The following FMR1 variants were observed in gnomAD, a reference collection of about 807,000 sequenced individuals.
The protein encoded by FMR1 is FMRP translational regulator 1.
Under a neutral mutation model 50.6 loss-of-function variants are expected in FMR1, and 13 were observed. That is an observed-to-expected ratio of 0.26 (90% confidence interval 0.17 to 0.41). The LOEUF (loss-of-function observed/expected upper bound fraction) is 0.41, where lower values mean the gene tolerates loss of function less well. Ranked by LOEUF, FMR1 falls within the 10% of genes least tolerant of loss-of-function variation. FMR1 has a pLI of 1.00. For missense variants in FMR1, 316 were observed against 491.3 expected (o/e 0.64, Z 3.37); for synonymous variants, 138 against 164.1 (o/e 0.84, Z 1.22).
intron 1 of FMR1, among the ~76,000 whole-genome samples, chrX:147,918,853 A>G (rs2043019776): frequency 1.8e-5 from 2 of 110,729 alleles, no homozygotes; most frequent in Admixed American, 1.9e-4. Flanking sequence ...GACATGTTGC[A>G]AGAGTGAATT....
In FMR1 at chrX:147,912,107, G is replaced by A; in HGVS notation, c.-73G>A. ...GGCGGCGGCGGCGGCGGCGGCGGCG[G>A]CGGCTGGGCCTCGAGCGCCCGCAGC... On this transcript the variant is annotated 5_prime_UTR_variant, in exon 1 of 17. Coordinates refer to ENST00000370475, the MANE Select transcript of FMR1 (RefSeq NM_002024.6). 1 of 739,570 alleles carries A rather than the reference G, an allele frequency of 1.4e-6. No homozygotes were observed. The highest frequency in any genetic ancestry group is 1.7e-6 in the Non-Finnish European group (1 of 595,385). 60.9% of individuals were successfully genotyped at this position (739,570 alleles called of 1,213,427 possible).
chrX:147,940,584 A>G lies in FMR1; in HGVS notation c.1197A>G (p.Val399=). The change falls in exon 13 of 17, where the codon GTA becomes GTG. Residue 399 remains valine, a synonymous_variant. Coordinates refer to ENST00000370475, the MANE Select transcript of FMR1 (RefSeq NM_002024.6). ...TGCAATTTCTTTTTCAGGGTATGGT[A>G]CCATTTGTTTTTGTGGGAACAAAGG... ...KPELKAWQGM[V]PFVFVGTKDS... The G allele has an allele frequency of 8.4e-7, 1 of 1,185,930 alleles. No homozygotes were observed. Among genetic ancestry groups the G allele is most frequent in the South Asian group, 1.8e-5 (1 of 56,416 alleles).
At chrX:147,933,788 C>T (rs2043690652) in intron 9 of FMR1, 2 of 264,709 alleles carry the variant, frequency 7.6e-6, no homozygotes, top group African/African-American at 2.9e-5. Context: ...ACTTCTCATA[C>T]ATTCTGTTTA....
Position 147,916,863 on chromosome X carries a change from G to C in FMR1, c.51+4633G>C, listed in dbSNP as rs782377522. On this transcript the variant is annotated intron_variant, in intron 1 of 16. Transcript: ENST00000370475. ...AGCCAGTCTCATGCTTCAGCCTTCC[G>C]GGTAGCTGAGATTACAGGCATGTGC... Among the ~76,000 whole-genome samples, 15 of 111,370 alleles carry C rather than the reference G, an allele frequency of 1.3e-4. No homozygotes were observed. In the East Asian group the frequency reaches 4.3e-3, roughly 32 times the overall value.
intron 12 of FMR1, among the ~76,000 whole-genome samples, chrX:147,938,646 T>C (rs1049732625): frequency 2.7e-5 from 3 of 111,836 alleles, no homozygotes; most frequent in Non-Finnish European, 5.6e-5. Context: ...CACTTAAACA[T>C]AGATGTTTAT....
chrX:147,914,841 G>A (rs945376125), intron 1 of FMR1, among the ~76,000 whole-genome samples: 2 of 111,732 alleles, frequency 1.8e-5, no homozygotes, highest in African/African-American at 3.3e-5. Flanking sequence ...CTTTATTCTA[G>A]GTGCATCTGC....
chrX:147,918,325 G>A (rs782307232), intron 1 of FMR1, among the ~76,000 whole-genome samples: 1 of 111,771 alleles, frequency 8.9e-6, no homozygotes, highest in South Asian at 3.7e-4. Flanking sequence ...CGTAACCTAT[G>A]AGTTTCTTTT....
At chrX:147,936,753 A>G (rs947257168) in intron 10 of FMR1, 140 bp downstream of exon 10, 2 of 477,463 alleles carry the variant, frequency 4.2e-6, no homozygotes, top group Non-Finnish European at 7.5e-6. Context: ...AATTAATGTT[A>G]TAATTGTAGA....
intron 9 of FMR1, among the ~76,000 whole-genome samples, chrX:147,935,192 C>T (rs1056574847): frequency 1.2e-4 from 13 of 111,779 alleles, no homozygotes; most frequent in Non-Finnish European, 1.5e-4. Flanking sequence ...TTCCCCTTTT[C>T]GTTATAGAAG....
At chrX:147,928,158 C>A in intron 3 of FMR1, 164 bp from the exon 4 acceptor site, 1 of 451,620 alleles carries the variant, frequency 2.2e-6, no homozygotes, top group East Asian at 3.6e-5. Flanking sequence ...TCTCTGCCTA[C>A]CTCGGGGTAC....
chrX:147,950,722 A>C lies in FMR1; in HGVS notation c.*1878A>C, dbSNP rs1410043397. Reference sequence around the variant, plus strand: ...AATCTATAGAAAGTGTTCTGTTACAAAATGTAACTGTTACCATTGGAAATT... The same window carrying C: ...AATCTATAGAAAGTGTTCTGTTACACAATGTAACTGTTACCATTGGAAATT... On this transcript the variant is annotated 3_prime_UTR_variant, in exon 17 of 17. Transcript: ENST00000370475. 1 of 324,724 alleles carries C rather than the reference A, an allele frequency of 3.1e-6. No individual in the cohort carries two copies. Among genetic ancestry groups the C allele is most frequent in the Non-Finnish European group, 5.9e-6 (1 of 168,398 alleles). The allele number at this position is 324,724 out of a possible 1,213,427, so 26.8% of individuals were successfully genotyped here.
Position 147,921,935 on chromosome X carries a change from A to G in FMR1, c.54A>G (p.Ala18=). 1 of 1,146,206 alleles carries G rather than the reference A, an allele frequency of 8.7e-7. No individual in the cohort carries two copies. The highest frequency in any genetic ancestry group is 1.2e-6 in the Non-Finnish European group (1 of 836,587). 94.5% of individuals were successfully genotyped at this position (1,146,206 alleles called of 1,213,427 possible). ...VRGSNGAFYK[A]FVKDVHEDSI... is the part of the protein sequence containing the mutation. ...ATTTAACGTTTTTTCTTACACAGGC[A>G]TTTGTAAAGGATGTTCATGAAGATT... Residue 18 remains alanine, a splice_region_variant and synonymous_variant, in exon 2 of 17, where the codon GCA becomes GCG. Transcript: ENST00000370475.
intron 1 of FMR1, chrX:147,914,140 G>A (rs1557174608): frequency 8.9e-6 from 1 of 112,135 alleles, no homozygotes; most frequent in East Asian, 2.8e-4. Flanking sequence ...GTTTTGTAAC[G>A]AAGTTGTTTA....
intron 12 of FMR1, 71 bp downstream of exon 12, chrX:147,938,232 A>G (rs1441194100): frequency 2.3e-6 from 2 of 859,390 alleles, no homozygotes; most frequent in Non-Finnish European, 3.5e-6. Flanking sequence ...GTTAACAAAG[A>G]TTACAAATGA....
intron 12 of FMR1, among the ~76,000 whole-genome samples, chrX:147,938,775 A>AG (rs1166215776): frequency 8.9e-6 from 1 of 112,139 alleles, no homozygotes; most frequent in Non-Finnish European, 1.9e-5. Context: ...CATTTTACAA[A>AG]GAGGACTATA....
chrX:147,942,706 T>C (rs937729585), intron 13 of FMR1, among the ~76,000 whole-genome samples: 1 of 112,567 alleles, frequency 8.9e-6, no homozygotes, highest in Non-Finnish European at 1.9e-5. Flanking sequence ...TTATTTACAA[T>C]GTGTGATTTT....
Position 147,940,576 on chromosome X carries a change from G to C in FMR1, c.1189G>C (p.Gly397Arg). 1 of 1,176,222 alleles carries C rather than the reference G, an allele frequency of 8.5e-7. No homozygotes were observed. The change falls in exon 13 of 17, where the codon GGT becomes CGT. Residue 397 changes from glycine (G) to arginine (R), a missense_variant and splice_region_variant. Physicochemically the swap from Gly to Arg is moderately radical, Grantham distance 125. Coordinates refer to ENST00000370475, the MANE Select transcript of FMR1 (RefSeq NM_002024.6). ...SQKPELKAWQ[G>R]MVPFVFVGTK... The stretch of plus-strand genomic sequence containing the variant: ...ATCATTGTTGCAATTTCTTTTTCAG[G>C]GTATGGTACCATTTGTTTTTGTGGG...
intron 5 of FMR1, among the ~76,000 whole-genome samples, chrX:147,929,377 C>T (rs2043507897): frequency 9.0e-6 from 1 of 111,134 alleles, no homozygotes; most frequent in Non-Finnish European, 1.9e-5. Context: ...GTTCAGAATA[C>T]ATAGAAATCC....
At chrX:147,931,124 T>C (rs781962462) in intron 7 of FMR1, among the ~76,000 whole-genome samples, 1 of 112,027 alleles carries the variant, frequency 8.9e-6, no homozygotes, top group South Asian at 3.7e-4. Flanking sequence ...GTCTTTGCTC[T>C]CATTCTTTCT....
Sources: gnomAD v4.1 joint callset for allele counts (sites outside exome capture counted in the v4.1 genomes callset) on GRCh38, gnomAD v4.1.1 for gene constraint, MANE v1.5 for transcripts, NCBI Gene and HGNC (gene_info 2026-07-23, HGNC 2026-07-21) for gene names.